The following MYH9 variants were observed in gnomAD, a reference collection of about 807,000 sequenced individuals.
MYH9 encodes myosin-9.
MYH9 carries 29 observed loss-of-function variants against 241.9 expected under a neutral mutation model. That is an observed-to-expected ratio of 0.12 (90% confidence interval 0.09 to 0.16). The LOEUF is 0.16. Ranked by LOEUF, MYH9 falls within the 10% of genes least tolerant of loss-of-function variation. MYH9 has a pLI of 1.00. For synonymous variants in MYH9, 1,047 were observed against 1,062.6 expected (o/e 0.99, Z 0.29); for missense variants, 1,803 against 2,595.5 (o/e 0.69, Z 6.63).
In MYH9 at chr22:36,285,509, C is replaced by A; in HGVS notation, c.5274+149G>T. ...ACCCAACACAGAAGCCAGAGGGGGA[C>A]CTTTCAGGTCCAGGTGCCTGGACAT... is the stretch of plus-strand genomic sequence containing the variant. On this transcript the variant is annotated intron_variant, in intron 37 of 40. Transcript: ENST00000216181. This position sits in a 1 kb window ranked among gnomAD's most constrained non-coding sequence, Gnocchi z 7.0. 7.3e-7 allele frequency: 1 copy of A among 1,366,338 alleles called. No individual in the cohort carries two copies. 84.6% of individuals were successfully genotyped at this position (1,366,338 alleles called of 1,614,324 possible). A position where few individuals can be genotyped will look rare whatever the true frequency, so the allele number is the denominator to read the frequency against.
intron 12 of MYH9, among the ~76,000 whole-genome samples, chr22:36,315,089 G>A (rs1029565517): frequency 2.0e-5 from 3 of 151,726 alleles, no homozygotes; most frequent in Admixed American, 2.0e-4. Context: ...CGGCCTCTGT[G>A]CTTCCTTATT....
intron 25 of MYH9, 61 bp downstream of exon 25, chr22:36,296,782 C>T: frequency 6.6e-7 from 1 of 1,525,698 alleles, no homozygotes. Context: ...CTAGGGCCAG[C>T]AGCAAGCAGG....
At position 36,374,080 on chromosome 22, in the gene MYH9, T is replaced by TA. The variant is rs570580496; in HGVS notation, c.-20+13726dup. Among the ~76,000 whole-genome samples, 13 of 151,778 alleles carry TA rather than the reference T, an allele frequency of 8.6e-5. 1 individual carries two copies. Among genetic ancestry groups the TA allele is most frequent in the South Asian group, 6.2e-4 (3 of 4,814 alleles). ...ACCCCCACCTTATTTTTTTTTTTTT[T>TA]ACTTTAAAAACAGAAGAACTGGCTG... On this transcript the variant is annotated intron_variant, in intron 1 of 40. Transcript: ENST00000216181.
At chr22:36,287,189 C>T (rs2146330075) in intron 34 of MYH9, among the ~76,000 whole-genome samples, 1 of 152,346 alleles carries the variant, frequency 6.6e-6, no homozygotes, top group South Asian at 2.1e-4. Context: ...GCCGGTCCAT[C>T]CCCACCACAG....
intron 31 of MYH9, 147 bp downstream of exon 31, chr22:36,291,839 G>T: frequency 8.5e-7 from 1 of 1,176,904 alleles, no homozygotes; most frequent in Non-Finnish European, 1.2e-6. Flanking sequence ...ACAAGCCAGA[G>T]CCTGAGGGTC....
At chr22:36,346,738 G>A (rs953873104) in intron 2 of MYH9, among the ~76,000 whole-genome samples, 5 of 152,204 alleles carry the variant, frequency 3.3e-5, no homozygotes, top group Admixed American at 2.6e-4. Context: ...AGAAATAGCT[G>A]GGACTATAGG....
In MYH9 at chr22:36,295,554, T is replaced by C. The variant is rs769272157; in HGVS notation, c.3436A>G (p.Thr1146Ala). ...GAATCCAGCGTGTCCTCCAACTCTG[T>C]TTTCAGAGCCTCTAGCTCTTCCCCA... The part of the protein sequence containing the change: ...DLGEELEALK[T>A]ELEDTLDSTA... Residue 1146 changes from threonine to alanine, a missense_variant, in exon 26 of 41, where the codon ACA becomes GCA. Physicochemically the swap from Thr to Ala is moderately conservative, Grantham distance 58. This residue lies in a region of MYH9 where 11 missense variants were observed against 37.1 expected (regional missense o/e 0.30). Coordinates refer to ENST00000216181, the MANE Select transcript of MYH9 (RefSeq NM_002473.6). The surrounding 1 kb of genome is among the most constrained non-coding windows in gnomAD (Gnocchi z 4.1). The C allele has an allele frequency of 1.2e-6, 2 of 1,613,652 alleles. No individual in the cohort carries two copies. The highest frequency in any genetic ancestry group is 1.3e-5 in the African/African-American group (1 of 74,850).
intron 40 of MYH9, among the ~76,000 whole-genome samples, chr22:36,283,632 CT>C (rs5845263): frequency 0.15 from 22,758 of 151,470 alleles, 2,877 homozygotes; most frequent in East Asian, 0.69. Context: ...AAATGAGAGT[CT>C]CAAAAAACCC....
At chr22:36,328,131 G>A (rs371311365) in intron 3 of MYH9, among the ~76,000 whole-genome samples, 8 of 152,332 alleles carry the variant, frequency 5.3e-5, no homozygotes, top group Middle Eastern at 3.4e-3. Context: ...AGTGGAAGGC[G>A]TGCAATGATG....
Position 36,320,996 on chromosome 22 carries a change from A to C in MYH9, c.770-100T>G. The C allele has an allele frequency of 1.1e-6, 1 of 933,246 alleles. No individual in the cohort carries two copies. 57.8% of individuals were successfully genotyped at this position (933,246 alleles called of 1,614,324 possible). ...GAGACAGAGTCTCGCTCTGTCACCC[A>C]GGTTGGAGTGCAGTGGCATGATCTC... On this transcript the variant is annotated intron_variant, in intron 7 of 40. Coordinates refer to ENST00000216181, the MANE Select transcript of MYH9 (RefSeq NM_002473.6). The surrounding 1 kb of genome is among the most constrained non-coding windows in gnomAD (Gnocchi z 4.8).
chr22:36,372,780 CA>C (rs1211061558), intron 1 of MYH9, among the ~76,000 whole-genome samples: 1 of 152,090 alleles, frequency 6.6e-6, no homozygotes, highest in Admixed American at 6.5e-5. Flanking sequence ...GGGTGGGGAG[CA>C]ACAAGACTTT....
At chr22:36,332,405 C>T (rs1224900605) in intron 3 of MYH9, among the ~76,000 whole-genome samples, 4 of 152,168 alleles carry the variant, frequency 2.6e-5, no homozygotes, top group Admixed American at 6.5e-5. Flanking sequence ...GGAGGAAGCC[C>T]CTTCCGTCGC....
In MYH9 at chr22:36,296,808, C is replaced by G. The variant is rs181526330; in HGVS notation, c.3272+35G>C. The G allele has an allele frequency of 3.4e-5, 54 of 1,579,708 alleles. No individual in the cohort carries two copies. The African/African-American group carries it at 6.1e-4, about 18-fold the overall frequency. ...AGCAAGCAGGAAGGGCTGGCCCAGG[C>G]CACCTGGCCTCAGGCGGGCAGGCGG... On this transcript the variant is annotated intron_variant, in intron 25 of 40. Coordinates refer to ENST00000216181, the MANE Select transcript of MYH9 (RefSeq NM_002473.6).
chr22:36,327,811 G>A (rs1023789050), intron 3 of MYH9, among the ~76,000 whole-genome samples: 2 of 152,236 alleles, frequency 1.3e-5, no homozygotes, highest in African/African-American at 2.4e-5. Context: ...ACTTCCCTGG[G>A]AGCTGAGTGG....
chr22:36,360,642 G>C (rs896004230), intron 1 of MYH9, among the ~76,000 whole-genome samples: 3 of 151,750 alleles, frequency 2.0e-5, no homozygotes, highest in Non-Finnish European at 4.4e-5. Context: ...GAACCTGGGA[G>C]GGGGAGCTTG....
At chr22:36,333,292 TC>T (rs2060497924) in intron 3 of MYH9, among the ~76,000 whole-genome samples, 1 of 152,326 alleles carries the variant, frequency 6.6e-6, no homozygotes, top group East Asian at 1.9e-4. Flanking sequence ...ACACGTTGCC[TC>T]GGAGGAGCGG....
At chr22:36,321,642 G>T in intron 7 of MYH9, 116 bp downstream of exon 7, 1 of 964,494 alleles carries the variant, frequency 1.0e-6, no homozygotes, top group Non-Finnish European at 1.7e-6. Context: ...CAGAGAAGGT[G>T]TCAGGATGGG....
At chr22:36,380,296 A>G (rs938317250) in intron 1 of MYH9, among the ~76,000 whole-genome samples, 1 of 152,148 alleles carries the variant, frequency 6.6e-6, no homozygotes, top group African/African-American at 2.4e-5. Flanking sequence ...GGGCCCTCCC[A>G]TTCAAAACAC....
chr22:36,294,363 T>C, intron 27 of MYH9, 65 bp from the exon 28 acceptor site: 1 of 1,539,992 alleles, frequency 6.5e-7, no homozygotes, highest in Non-Finnish European at 8.9e-7. Context: ...TGGTCTATCA[T>C]CACTGGACCC....
Sources: allele counts gnomAD v4.1 joint callset (sites outside exome capture counted in the v4.1 genomes callset), GRCh38; gene constraint gnomAD v4.1.1; regional missense constraint gnomAD v4.1.1; non-coding constraint Gnocchi (gnomAD v3.1); transcripts MANE v1.5; gene names NCBI Gene and HGNC (gene_info 2026-07-23, HGNC 2026-07-21).